Variants in CFAP299 observed in about 807,000 individuals in gnomAD.
The protein encoded by CFAP299 is cilia and flagella associated protein 299.
In CFAP299, 21 loss-of-function variants were observed where a neutral mutation model predicts 27.0. The observed-to-expected ratio is 0.78, with a 90% CI of 0.55 to 1.12. The LOEUF (loss-of-function observed/expected upper bound fraction) is 1.12. Among genes scored for constraint, CFAP299 ranks in the 50% most tolerant of loss-of-function variants. The pLI, the probability that CFAP299 is intolerant of heterozygous loss-of-function variation, is 0.00. For synonymous variants in CFAP299, 104 were observed against 98.1 expected (o/e 1.06, Z -0.36); for missense variants, 310 against 276.6 (o/e 1.12, Z -0.86).
At chr4:80,786,977 T>A (rs991170442) in intron 3 of CFAP299, among the ~76,000 whole-genome samples, 5 of 151,926 alleles carry the variant, frequency 3.3e-5, no homozygotes, top group African/African-American at 1.2e-4. Context: ...TCTGATACAC[T>A]TGATCAATAA....
At chr4:80,932,174 A>G (rs912115247) in intron 4 of CFAP299, among the ~76,000 whole-genome samples, 39 of 152,156 alleles carry the variant, frequency 2.6e-4, no homozygotes, top group Non-Finnish European at 2.9e-4. Context: ...TAGTAATAAT[A>G]ATACATAACT....
chr4:80,624,733 G>A (rs1265539141), intron 3 of CFAP299, among the ~76,000 whole-genome samples: 2 of 151,896 alleles, frequency 1.3e-5, no homozygotes, highest in East Asian at 1.9e-4. Context: ...TAAAAAAACA[G>A]CAAGAGAAAA....
intron 3 of CFAP299, among the ~76,000 whole-genome samples, chr4:80,784,898 G>T (rs1389730094): frequency 6.6e-6 from 1 of 151,920 alleles, no homozygotes; most frequent in Non-Finnish European, 1.5e-5. Context: ...CAGGTTATTT[G>T]TTTTTTTCCT....
intron 3 of CFAP299, among the ~76,000 whole-genome samples, chr4:80,786,808 A>C (rs1251047951): frequency 6.6e-6 from 1 of 152,086 alleles, no homozygotes; most frequent in African/African-American, 2.4e-5. Flanking sequence ...AGTGCTACCT[A>C]CCAATGCTTG....
At chr4:80,794,967 A>T (rs1007527212) in intron 3 of CFAP299, among the ~76,000 whole-genome samples, 3 of 152,154 alleles carry the variant, frequency 2.0e-5, no homozygotes, top group Non-Finnish European at 4.4e-5. Flanking sequence ...GTGGAAGCCC[A>T]TGTTGCTGAG....
chr4:80,710,668 CA>C (rs1222711884), intron 3 of CFAP299, among the ~76,000 whole-genome samples: 1 of 151,566 alleles, frequency 6.6e-6, no homozygotes, highest in African/African-American at 2.4e-5. Context: ...ACCAGCGTTC[CA>C]ACTACATCAT....
At chr4:80,582,889 A>G (rs1000308331) in intron 2 of CFAP299, among the ~76,000 whole-genome samples, 1 of 151,870 alleles carries the variant, frequency 6.6e-6, no homozygotes, top group Admixed American at 6.6e-5. Context: ...TATATTATTT[A>G]AAGGCTTGAT....
chr4:80,429,138 C>G (rs1019029020), intron 2 of CFAP299, among the ~76,000 whole-genome samples: 2 of 152,156 alleles, frequency 1.3e-5, no homozygotes, highest in African/African-American at 2.4e-5. Context: ...TTCCATACAT[C>G]CCACCCAGTA....
In CFAP299 at chr4:80,898,424, T is replaced by C. The variant is rs926486263; in HGVS notation, c.476+28289T>C. Among the ~76,000 whole-genome samples the C allele has an allele frequency of 3.9e-5, 6 of 151,922 alleles. No homozygotes were observed. In the East Asian group the frequency reaches 1.2e-3, roughly 30 times the overall value. ...ACTTAGTCTCTAATATCCAGCTGCT[T>C]CTCCTTCCTCTGCCAGCTGAACCTG... On this transcript the variant is annotated intron_variant, in intron 4 of 5. Coordinates refer to ENST00000358105, the MANE Select transcript of CFAP299 (RefSeq NM_152770.3).
intron 3 of CFAP299, among the ~76,000 whole-genome samples, chr4:80,699,431 A>C (rs777510794): frequency 3.3e-5 from 5 of 152,176 alleles, no homozygotes; most frequent in Non-Finnish European, 7.3e-5. Flanking sequence ...TGCAGAAAGC[A>C]CAATTACTAC....
intron 2 of CFAP299, among the ~76,000 whole-genome samples, chr4:80,516,732 A>G (rs1732609233): frequency 6.6e-6 from 1 of 152,166 alleles, no homozygotes; most frequent in Non-Finnish European, 1.5e-5. Flanking sequence ...ACCATGTCAT[A>G]GGGAGATAGG....
intron 4 of CFAP299, among the ~76,000 whole-genome samples, chr4:80,873,444 A>G (rs1301514504): frequency 6.6e-6 from 1 of 152,140 alleles, no homozygotes; most frequent in Non-Finnish European, 1.5e-5. Flanking sequence ...CATCTTAACT[A>G]TGTCTTTAAG....
At chr4:80,404,420 G>C (rs1480722700) in intron 2 of CFAP299, among the ~76,000 whole-genome samples, 1 of 152,190 alleles carries the variant, frequency 6.6e-6, no homozygotes, top group African/African-American at 2.4e-5. Flanking sequence ...CTTCATAGGA[G>C]TTGTTGTTCA....
At chr4:80,850,404 A>G (rs1731449763) in intron 3 of CFAP299, among the ~76,000 whole-genome samples, 1 of 152,058 alleles carries the variant, frequency 6.6e-6, no homozygotes, top group Non-Finnish European at 1.5e-5. Context: ...GGTTCATTTG[A>G]GGAACAGATA....
intron 2 of CFAP299, among the ~76,000 whole-genome samples, chr4:80,546,842 A>G (rs562427875): frequency 5.9e-4 from 90 of 152,284 alleles, no homozygotes; most frequent in African/African-American, 2.1e-3. Flanking sequence ...ACATGAGTCA[A>G]TTATACCTCT....
chr4:80,889,668 C>A (rs975009279), intron 4 of CFAP299, among the ~76,000 whole-genome samples: 1 of 151,942 alleles, frequency 6.6e-6, no homozygotes, highest in African/African-American at 2.4e-5. Flanking sequence ...AAAAACATAT[C>A]TAAAATGGAA....
At chr4:80,585,795 C>T (rs1736405344) in intron 3 of CFAP299, among the ~76,000 whole-genome samples, 1 of 152,060 alleles carries the variant, frequency 6.6e-6, no homozygotes, top group African/African-American at 2.4e-5. Flanking sequence ...TGTAACAGTT[C>T]AGGCAATACA....
chr4:80,915,688 G>GT (rs1167424178), intron 4 of CFAP299, among the ~76,000 whole-genome samples: 1 of 151,588 alleles, frequency 6.6e-6, no homozygotes, highest in Non-Finnish European at 1.5e-5. Context: ...CTGAGCCACT[G>GT]TTTTTTTATT....
At chr4:80,750,407 T>C (rs1724865545) in intron 3 of CFAP299, among the ~76,000 whole-genome samples, 2 of 152,190 alleles carry the variant, frequency 1.3e-5, no homozygotes, top group African/African-American at 4.8e-5. Context: ...AATGCCATTA[T>C]TGAGCTCACG....
Sources: gnomAD v4.1 joint callset for allele counts (sites outside exome capture counted in the v4.1 genomes callset) on GRCh38, gnomAD v4.1.1 for gene constraint, MANE v1.5 for transcripts, NCBI Gene and HGNC (gene_info 2026-07-23, HGNC 2026-07-21) for gene names.